The following DENND1A variants were observed in gnomAD, a reference collection of about 807,000 sequenced individuals.
DENND1A encodes the protein DENN domain containing 1A, also known as DENN domain-containing protein 1A.
DENND1A carries 51 observed loss-of-function variants against 113.7 expected under a neutral mutation model. The ratio of observed to expected loss-of-function variants is 0.45; its 90% CI spans 0.36 to 0.57. The LOEUF (loss-of-function observed/expected upper bound fraction) is 0.57. DENND1A is among the 20% of genes least tolerant of loss of function. The pLI is 0.00. For synonymous variants in DENND1A, 565 were observed against 570.8 expected (o/e 0.99, Z 0.14); for missense variants, 1,258 against 1,395.9 (o/e 0.90, Z 1.57).
intron 2 of DENND1A, among the ~76,000 whole-genome samples, chr9:123,857,557 C>T (rs949480139): frequency 6.6e-6 from 1 of 152,142 alleles, no homozygotes; most frequent in Non-Finnish European, 1.5e-5. Context: ...AAGATCATCA[C>T]CAGTAAAGGG....
At chr9:123,476,349 C>T (rs1445634594) in intron 13 of DENND1A, among the ~76,000 whole-genome samples, 2 of 152,136 alleles carry the variant, frequency 1.3e-5, no homozygotes, top group East Asian at 3.8e-4. Context: ...GCAGGCTGGG[C>T]TGACTGATCT....
chr9:123,386,301 G>A (rs187743107), intron 22 of DENND1A, among the ~76,000 whole-genome samples: 77 of 151,538 alleles, frequency 5.1e-4, no homozygotes, highest in African/African-American at 1.5e-3. Context: ...AAAAAAAATC[G>A]AAACAAAGAT....
At chr9:123,605,425 C>T (rs1044077272) in intron 11 of DENND1A, among the ~76,000 whole-genome samples, 3 of 152,192 alleles carry the variant, frequency 2.0e-5, no homozygotes, top group Admixed American at 6.5e-5. Flanking sequence ...AAATTGAGAT[C>T]GCTTGAATGA....
chr9:123,925,089 G>GT (rs969792551), intron 1 of DENND1A, among the ~76,000 whole-genome samples: 8 of 152,124 alleles, frequency 5.3e-5, no homozygotes, highest in Non-Finnish European at 5.9e-5. Context: ...AATTCACCTG[G>GT]TTTTTTTAAT....
intron 1 of DENND1A, 142 bp downstream of exon 1, chr9:123,929,747 C>T (rs1260262610): frequency 3.0e-5 from 5 of 165,756 alleles, no homozygotes; most frequent in African/African-American, 1.2e-4. Context: ...TAGCAACCGT[C>T]CCCCTCCCCG....
chr9:123,671,532 C>T lies in DENND1A; in HGVS notation c.373-161G>A, dbSNP rs117610576. Among the ~76,000 whole-genome samples the T allele has an allele frequency of 2.5e-3, 376 of 152,216 alleles. 2 individuals are homozygous for T. The highest frequency in any genetic ancestry group is 5.0e-3 in the South Asian group (24 of 4,818). ...ATGTAGGGTTTGACAAAAGACACCA[C>T]GTATGCCTCAAACATAAAGAGCCAA... On this transcript the variant is annotated intron_variant, in intron 6 of 23. Transcript: ENST00000394215.
intron 19 of DENND1A, chr9:123,413,568 C>A (rs777924435): frequency 1.1e-5 from 11 of 985,342 alleles, no homozygotes; most frequent in Non-Finnish European, 1.3e-5. Flanking sequence ...TGGAACCTGT[C>A]GGGGCAGCCT....
chr9:123,842,232 G>GA (rs1157369988), intron 2 of DENND1A, among the ~76,000 whole-genome samples: 2 of 152,196 alleles, frequency 1.3e-5, no homozygotes, highest in Non-Finnish European at 2.9e-5. Flanking sequence ...GCAGCATGAA[G>GA]AAAATTATCT....
intron 23 of DENND1A, among the ~76,000 whole-genome samples, chr9:123,383,437 CA>C (rs1263326726): frequency 2.6e-5 from 4 of 152,194 alleles, no homozygotes; most frequent in African/African-American, 9.7e-5. Context: ...GGCAAGTTTC[CA>C]TCGGGCTCTA....
intron 11 of DENND1A, among the ~76,000 whole-genome samples, chr9:123,597,684 T>G (rs555285618): frequency 6.6e-5 from 10 of 152,154 alleles, no homozygotes; most frequent in Non-Finnish European, 1.5e-4. Context: ...AGATTAAACA[T>G]TTAGCAATAG....
chr9:123,744,284 G>A (rs1179633058), intron 5 of DENND1A, among the ~76,000 whole-genome samples: 1 of 152,002 alleles, frequency 6.6e-6, no homozygotes, highest in East Asian at 1.9e-4. Context: ...TTTGTCTCTT[G>A]CTTTTCTTCT....
intron 19 of DENND1A, among the ~76,000 whole-genome samples, chr9:123,420,847 G>A (rs1340348366): frequency 6.6e-6 from 1 of 150,480 alleles, no homozygotes; most frequent in African/African-American, 2.5e-5. Flanking sequence ...AGCCGCTTGG[G>A]GGACAGAGGC....
chr9:123,777,123 C>A (rs1477978850), intron 3 of DENND1A, among the ~76,000 whole-genome samples: 3 of 152,190 alleles, frequency 2.0e-5, no homozygotes, highest in Admixed American at 2.0e-4. Context: ...GGCTACAGAT[C>A]TATAAGCTGA....
chr9:123,519,633 G>A (rs1243701194), intron 13 of DENND1A, among the ~76,000 whole-genome samples: 1 of 152,014 alleles, frequency 6.6e-6, no homozygotes, highest in East Asian at 1.9e-4. Context: ...TGGCCAGGCC[G>A]GTCTTGAACT....
At chr9:123,835,266 T>C (rs1590289712) in intron 2 of DENND1A, among the ~76,000 whole-genome samples, 1 of 152,328 alleles carries the variant, frequency 6.6e-6, no homozygotes. Context: ...AGAATAGCAC[T>C]GTCATTTAGA....
intron 12 of DENND1A, among the ~76,000 whole-genome samples, chr9:123,581,101 A>G (rs2058869062): frequency 2.0e-5 from 3 of 150,410 alleles, no homozygotes; most frequent in Admixed American, 2.0e-4. Flanking sequence ...TGGGCTCTGC[A>G]GACCCACGGG....
intron 13 of DENND1A, among the ~76,000 whole-genome samples, chr9:123,481,485 C>T (rs943892217): frequency 5.9e-5 from 9 of 152,244 alleles, no homozygotes; most frequent in African/African-American, 1.9e-4. Flanking sequence ...TTCACTCAGC[C>T]TTTGCCCAGC....
At chr9:123,427,611 G>A (rs2131991454) in intron 19 of DENND1A, among the ~76,000 whole-genome samples, 1 of 152,276 alleles carries the variant, frequency 6.6e-6, no homozygotes, top group Non-Finnish European at 1.5e-5. Context: ...GGTCTGGTAT[G>A]AACCGTTCTC....
chr9:123,440,255 C>T, intron 19 of DENND1A, 105 bp downstream of exon 19: 1 of 1,330,602 alleles, frequency 7.5e-7, no homozygotes, highest in Non-Finnish European at 1.0e-6. Context: ...GCTGCACTGC[C>T]AAAGAGAACT....
Sources: allele counts gnomAD v4.1 joint callset (sites outside exome capture counted in the v4.1 genomes callset), GRCh38; gene constraint gnomAD v4.1.1; transcripts MANE v1.5; gene names NCBI Gene and HGNC (gene_info 2026-07-23, HGNC 2026-07-21).